MEF2C: variants seen among roughly 807,000 people sequenced by gnomAD.
The protein encoded by MEF2C is myocyte enhancer factor 2C, also known as myocyte-specific enhancer factor 2C.
In MEF2C, 6 loss-of-function variants were observed where a neutral mutation model predicts 50.5. That is an observed-to-expected ratio of 0.12 (90% CI 0.07 to 0.23). MEF2C has a LOEUF of 0.23. MEF2C is among the 10% of genes least tolerant of loss of function. The probability of loss-of-function intolerance (pLI) is 1.00; values close to 1 mark genes in which losing one functional copy is unlikely to be tolerated. For synonymous variants in MEF2C, 183 were observed against 228.0 expected, an observed-to-expected ratio of 0.80 and a Z score of 1.78; for missense variants, 276 against 605.0, an observed-to-expected ratio of 0.46 and a Z score of 5.70.
At chr5:88,824,661 A>G (rs941659135) in intron 1 of MEF2C, among the ~76,000 whole-genome samples, 13 of 151,974 alleles carry the variant, frequency 8.6e-5, no homozygotes, top group African/African-American at 2.9e-4. Context: ...AATTAAGATT[A>G]TTCTTCAATT....
chr5:88,774,678 C>A (rs1215061085), intron 3 of MEF2C, among the ~76,000 whole-genome samples: 3 of 152,164 alleles, frequency 2.0e-5, no homozygotes, highest in Non-Finnish European at 4.4e-5. Flanking sequence ...GCTGTTATCT[C>A]ATTACCACTC....
rs549663451 is a variant in MEF2C at position 88,888,551 on chromosome 5, C to T, written c.-239-953G>A. Reference sequence around the variant, plus strand: ...AGGCTTAGGCCCACAGTGAGTGAGTCCAAACTTGGTCTTGTAGTCACTACC... The same window carrying T: ...AGGCTTAGGCCCACAGTGAGTGAGTTCAAACTTGGTCTTGTAGTCACTACC... On this transcript the variant is annotated intron_variant, in intron 1 of 11. Coordinates refer to the MEF2C transcript ENST00000340208. Among the ~76,000 whole-genome samples, 13 of 152,288 alleles carry T rather than the reference C, an allele frequency of 8.5e-5. No individual in the cohort carries two copies. In the South Asian group the frequency reaches 2.7e-3, roughly 32 times the overall value.
chr5:88,868,342 T>C (rs1215322471), intron 1 of MEF2C, among the ~76,000 whole-genome samples: 2 of 152,192 alleles, frequency 1.3e-5, no homozygotes, highest in African/African-American at 4.8e-5. Flanking sequence ...TCAGTTTCGG[T>C]GAATACTGCT....
At chr5:88,842,948 C>T (rs1006618395) in intron 1 of MEF2C, among the ~76,000 whole-genome samples, 2 of 152,086 alleles carry the variant, frequency 1.3e-5, no homozygotes, top group Non-Finnish European at 2.9e-5. Context: ...GGAGAGGGCA[C>T]GTGATGATGC....
intron 6 of MEF2C, chr5:88,743,069 T>C (rs1767602009): frequency 1.0e-6 from 1 of 974,694 alleles, no homozygotes. Context: ...TTCAAACTAA[T>C]GGAACAATAC....
chr5:88,764,760 A>T (rs1438149002), intron 3 of MEF2C, among the ~76,000 whole-genome samples: 1 of 148,604 alleles, frequency 6.7e-6, no homozygotes, highest in East Asian at 2.0e-4. Context: ...GTGAGCCGAG[A>T]TCACACCACT....
intron 3 of MEF2C, among the ~76,000 whole-genome samples, chr5:88,790,196 GA>G (rs1793071495): frequency 6.6e-6 from 1 of 152,158 alleles, no homozygotes. Context: ...TTCCTTTCAA[GA>G]ATTAGTTTCA....
intron 1 of MEF2C, among the ~76,000 whole-genome samples, chr5:88,848,033 T>A (rs780277270): frequency 2.0e-5 from 3 of 152,186 alleles, no homozygotes; most frequent in Non-Finnish European, 2.9e-5. Context: ...ATAAACTTCA[T>A]TCAGCACGCT....
At chr5:88,790,402 T>C (rs1163993369) in intron 3 of MEF2C, among the ~76,000 whole-genome samples, 2 of 152,200 alleles carry the variant, frequency 1.3e-5, no homozygotes, top group Non-Finnish European at 2.9e-5. Context: ...TCCTGGGCCC[T>C]GCCCTATACC....
At chr5:88,828,419 T>C (rs1419759774) in intron 1 of MEF2C, among the ~76,000 whole-genome samples, 1 of 152,028 alleles carries the variant, frequency 6.6e-6, no homozygotes, top group African/African-American at 2.4e-5. Context: ...CTTTGATTCA[T>C]ATTAGCAGAT....
At chr5:88,751,046 C>T (rs1398649615) in intron 5 of MEF2C, 1 of 966,644 alleles carries the variant, frequency 1.0e-6, no homozygotes. Context: ...TTGTTATATT[C>T]AATACGCATT....
intron 5 of MEF2C, 107 bp downstream of exon 5, chr5:88,751,750 G>A: frequency 7.8e-7 from 1 of 1,277,912 alleles, no homozygotes; most frequent in Admixed American, 1.8e-5. Context: ...CCATGAAGGA[G>A]AGTAAGTGGA....
chr5:88,856,978 T>G (rs941524215), intron 1 of MEF2C, among the ~76,000 whole-genome samples: 1 of 152,152 alleles, frequency 6.6e-6, no homozygotes, highest in Non-Finnish European at 1.5e-5. Context: ...GAATGGTAGA[T>G]CCACTGACAG....
chr5:88,885,914 G>T (rs1834003634), upstream of MEF2C, among the ~76,000 whole-genome samples: 2 of 151,996 alleles, frequency 1.3e-5, no homozygotes, highest in Admixed American at 6.5e-5. Flanking sequence ...CTTTCAAAAA[G>T]AAATTATTTT....
intron 6 of MEF2C, chr5:88,734,588 T>TTTTTTTTTTTTTTTTTTTTTTTTG: frequency 1.0e-6 from 1 of 974,080 alleles, no homozygotes; most frequent in Non-Finnish European, 1.2e-6. Flanking sequence ...TTTTTTTTTT[T>TTTTTTTTTTTTTTTTTTTTTTTTG]TTTTTTTTTT....
At chr5:88,799,909 CACACAG>C (rs1471988190) in intron 3 of MEF2C, among the ~76,000 whole-genome samples, 198 of 126,422 alleles carry the variant, frequency 1.6e-3, no homozygotes, top group African/African-American at 4.7e-3. Flanking sequence ...CACACACACA[CACACAG>C]AGAGAGAGAC....
chr5:88,754,700 G>A (rs923331004), intron 4 of MEF2C, among the ~76,000 whole-genome samples: 5 of 152,102 alleles, frequency 3.3e-5, no homozygotes, highest in African/African-American at 7.2e-5. Context: ...TACCTGCTCC[G>A]GTCCTTGCCA....
At chr5:88,890,165 T>A (rs1458982445) in intron 1 of MEF2C, among the ~76,000 whole-genome samples, 1 of 152,244 alleles carries the variant, frequency 6.6e-6, no homozygotes, top group African/African-American at 2.4e-5. Context: ...TCTATTAAGC[T>A]AACGCGTGTG....
chr5:88,902,662 A>G (rs1835786026), intron 1 of MEF2C, among the ~76,000 whole-genome samples: 2 of 151,942 alleles, frequency 1.3e-5, no homozygotes, highest in African/African-American at 4.8e-5. Context: ...TTTTTCCACT[A>G]TACAATCATG....
Sources: gnomAD v4.1 joint callset for allele counts (sites outside exome capture counted in the v4.1 genomes callset) on GRCh38, gnomAD v4.1.1 for gene constraint, MANE v1.5 for transcripts, NCBI Gene and HGNC (gene_info 2026-07-23, HGNC 2026-07-21) for gene names.